The following PDE4D variants were observed in gnomAD, a reference collection of about 807,000 sequenced individuals.
PDE4D encodes 3',5'-cyclic-AMP phosphodiesterase 4D.
A neutral mutation model predicts 87.4 loss-of-function variants in PDE4D; 24 were observed. The ratio of observed to expected loss-of-function variants is 0.27; its 90% CI spans 0.20 to 0.39. PDE4D has a LOEUF of 0.39. Among genes scored for constraint, PDE4D ranks in the 10% least tolerant of loss-of-function variants. PDE4D has a pLI of 1.00. For missense variants in PDE4D, 714 were observed against 1,041.0 expected (o/e 0.69, Z 4.32); for synonymous variants, 384 against 383.2 (o/e 1.00, Z -0.02).
At chr5:59,507,689 G>GAA (rs1809536471) in intron 1 of PDE4D, among the ~76,000 whole-genome samples, 1 of 142,304 alleles carries the variant, frequency 7.0e-6, no homozygotes, top group African/African-American at 2.6e-5. Flanking sequence ...AAAAAGAAAA[G>GAA]AAAAGAAAAA....
intron 1 of PDE4D, among the ~76,000 whole-genome samples, chr5:59,842,754 C>A (rs1743212822): frequency 1.3e-5 from 2 of 151,882 alleles, no homozygotes; most frequent in Admixed American, 1.3e-4. Context: ...TAAAATGATT[C>A]TTTTCAGTTA....
intron 1 of PDE4D, among the ~76,000 whole-genome samples, chr5:59,224,297 C>T (rs939949984): frequency 3.7e-5 from 4 of 108,250 alleles, no homozygotes; most frequent in Admixed American, 8.6e-5. Flanking sequence ...CACACATACA[C>T]ACACACACAC....
chr5:59,511,121 A>G (rs890625555), intron 1 of PDE4D, among the ~76,000 whole-genome samples: 1 of 151,948 alleles, frequency 6.6e-6, no homozygotes, highest in African/African-American at 2.4e-5. Context: ...CTTAAAGATT[A>G]TTTTAGTAAA....
intron 1 of PDE4D, among the ~76,000 whole-genome samples, chr5:59,884,281 T>TAC (rs1007687782): frequency 6.6e-6 from 1 of 151,240 alleles, no homozygotes; most frequent in Non-Finnish European, 1.5e-5. Flanking sequence ...TAGATATAAA[T>TAC]ACACACACAC....
chr5:59,391,253 G>C (rs928985567), intron 1 of PDE4D, among the ~76,000 whole-genome samples: 1 of 152,110 alleles, frequency 6.6e-6, no homozygotes, highest in Non-Finnish European at 1.5e-5. Flanking sequence ...GTCAGAAGAA[G>C]AGTTTCTCCT....
intron 1 of PDE4D, among the ~76,000 whole-genome samples, chr5:60,423,404 T>A (rs1272913728): frequency 6.6e-6 from 1 of 151,966 alleles, no homozygotes; most frequent in East Asian, 1.9e-4. Flanking sequence ...TCAAAACTGC[T>A]CAACTAAATG....
Position 58,980,062 on chromosome 5 carries a change from A to G in PDE4D, c.1553-2717T>C, listed in dbSNP as rs984648485. On this transcript the variant is annotated intron_variant, in intron 11 of 14. Coordinates refer to ENST00000340635, the MANE Select transcript of PDE4D (RefSeq NM_001104631.2). ...ATGTGAATCATCTCATTTAATCCTC[A>G]TAACTCTTTTAGGAAGATACTGTTG... 5.3e-5 allele frequency among the ~76,000 whole-genome samples: 8 copies of G among 152,220 alleles called. No individual in the cohort carries two copies. In the East Asian group the frequency reaches 5.8e-4, roughly 11 times the overall value.
At chr5:59,319,229 C>T (rs1388796213) in intron 1 of PDE4D, among the ~76,000 whole-genome samples, 1 of 150,726 alleles carries the variant, frequency 6.6e-6, no homozygotes, top group Admixed American at 6.6e-5. Context: ...CTATTTAAAA[C>T]AATAACATTT....
Position 59,529,503 on chromosome 5 carries a change from C to A in PDE4D, c.456-313535G>T, listed in dbSNP as rs138792132. Among the ~76,000 whole-genome samples the A allele has an allele frequency of 1.4e-3, 217 of 152,240 alleles. 4 individuals are homozygous for A. Among genetic ancestry groups the A allele is most frequent in the African/African-American group, 4.9e-3 (204 of 41,538 alleles). On this transcript the variant is annotated intron_variant, in intron 1 of 14. Transcript: ENST00000340635. Reference sequence around the variant, plus strand: ...AGAAGGATGTGCAGCAATAGGGGCACAAGCATTGACCTTTGAAGAGTCACA... The same window carrying A: ...AGAAGGATGTGCAGCAATAGGGGCAAAAGCATTGACCTTTGAAGAGTCACA...
At chr5:59,834,838 C>T (rs934208514) in intron 1 of PDE4D, among the ~76,000 whole-genome samples, 6 of 152,052 alleles carry the variant, frequency 3.9e-5, no homozygotes, top group Non-Finnish European at 7.4e-5. Flanking sequence ...TTGAAGGGTT[C>T]TCCTTTCAAT....
chr5:60,059,775 C>G (rs908991327), intron 2 of PDE4D, among the ~76,000 whole-genome samples: 1 of 152,016 alleles, frequency 6.6e-6, no homozygotes, highest in Admixed American at 6.6e-5. Flanking sequence ...AGACAGGCCT[C>G]TCCAGCTTAG....
At chr5:59,907,823 A>C (rs1753005159) in intron 3 of PDE4D, among the ~76,000 whole-genome samples, 1 of 152,136 alleles carries the variant, frequency 6.6e-6, no homozygotes, top group Non-Finnish European at 1.5e-5. Context: ...AGTTTACTCC[A>C]AAGCAAGAGC....
intron 5 of PDE4D, among the ~76,000 whole-genome samples, chr5:59,156,320 A>ATATATATATATATATATAT (rs1554082852): frequency 1.5e-3 from 124 of 81,650 alleles, no homozygotes; most frequent in African/African-American, 5.8e-3. Context: ...AAAAAAAAAA[A>ATATATATATATATATATAT]ATATATATAT....
rs1335384772 is a variant in PDE4D, at chr5:59,434,314, C to CATCTTTAGGATGAGGTTATCATCTGTT, written c.456-218373_456-218347dup. On this transcript the variant is annotated intron_variant, in intron 1 of 14. Coordinates refer to ENST00000340635, the MANE Select transcript of PDE4D (RefSeq NM_001104631.2). ...CTTTAGGATGTTCCTAAAGAAGTCT[C>CATCTTTAGGATGAGGTTATCATCTGTT]ATCTTTAGGATGAGGTTATCATCTG... Among the ~76,000 whole-genome samples, 828 of 150,882 alleles carry CATCTTTAGGATGAGGTTATCATCTGTT rather than the reference C, an allele frequency of 5.5e-3. 11 individuals are homozygous for CATCTTTAGGATGAGGTTATCATCTGTT. The highest frequency in any genetic ancestry group is 0.018 in the African/African-American group (745 of 40,994).
Position 59,686,903 on chromosome 5 carries a change from T to C in PDE4D, c.455+206265A>G, listed in dbSNP as rs571307010. Reference sequence around the variant, plus strand: ...TCTTCAAATGGCATGTTACTCAACATATAAAATCCTTCTGTAATTGAAGAA... The same window carrying C: ...TCTTCAAATGGCATGTTACTCAACACATAAAATCCTTCTGTAATTGAAGAA... On this transcript the variant is annotated intron_variant, in intron 1 of 14. Coordinates refer to ENST00000340635, the MANE Select transcript of PDE4D (RefSeq NM_001104631.2). Among the ~76,000 whole-genome samples the C allele has an allele frequency of 6.6e-5, 10 of 152,310 alleles. 1 individual carries two copies. Among genetic ancestry groups the C allele is most frequent in the Admixed American group, 4.6e-4 (7 of 15,276 alleles).
At chr5:59,046,316 GTGTT>G (rs576221553) in intron 5 of PDE4D, among the ~76,000 whole-genome samples, 69 of 151,660 alleles carry the variant, frequency 4.5e-4, no homozygotes, top group African/African-American at 1.2e-3. Flanking sequence ...GAGAGAATGT[GTGTT>G]TGTGCACATG....
rs2152609507 is a variant in PDE4D at position 59,772,811 on chromosome 5, A to T, written c.455+120357T>A. 2.0e-5 allele frequency among the ~76,000 whole-genome samples: 3 copies of T among 152,340 alleles called. No individual in the cohort carries two copies. The South Asian group carries it at 6.2e-4, about 32-fold the overall frequency. ...ATATAGGCCATGGAAATGACCTGATAGTGGGAGAGGTTATGTTGTCTACTG... is the reference window on the plus strand; with the variant it reads ...ATATAGGCCATGGAAATGACCTGATTGTGGGAGAGGTTATGTTGTCTACTG... On this transcript the variant is annotated intron_variant, in intron 1 of 14. Transcript: ENST00000340635.
intron 1 of PDE4D, among the ~76,000 whole-genome samples, chr5:60,295,549 C>T (rs73104780): frequency 0.061 from 9,206 of 152,124 alleles, 921 homozygotes; most frequent in African/African-American, 0.21. Context: ...GGTGCTGTCC[C>T]GTGCACTGCA....
intron 1 of PDE4D, among the ~76,000 whole-genome samples, chr5:59,828,764 C>T (rs1581296181): frequency 6.6e-6 from 1 of 152,062 alleles, no homozygotes; most frequent in East Asian, 1.9e-4. Context: ...ATTCTGGAAA[C>T]AAAACAGTAT....
Sources: allele counts gnomAD v4.1 joint callset (sites outside exome capture counted in the v4.1 genomes callset), GRCh38; gene constraint gnomAD v4.1.1; transcripts MANE v1.5; gene names NCBI Gene and HGNC (gene_info 2026-07-23, HGNC 2026-07-21).